The following ABCA13 variants were observed in gnomAD, a reference collection of about 807,000 sequenced individuals.
The protein encoded by ABCA13 is ATP binding cassette subfamily A member 13, also known as ATP-binding cassette sub-family A member 13.
Under a neutral mutation model 478.7 loss-of-function variants are expected in ABCA13, and 476 were observed. That is an observed-to-expected ratio of 0.99 (90% CI 0.92 to 1.07). The LOEUF (loss-of-function observed/expected upper bound fraction) is 1.07, where lower values mean the gene tolerates loss of function less well. Ranked by LOEUF, ABCA13 falls within the 50% of genes least tolerant of loss-of-function variation. The pLI is 0.00. For missense variants in ABCA13, 6,060 were observed against 5,910.6 expected (o/e 1.03, Z -0.83); for synonymous variants, 2,252 against 2,158.9 (o/e 1.04, Z -1.20).
chr7:48,225,127 GC>G (rs1787982525), intron 5 of ABCA13, among the ~76,000 whole-genome samples: 1 of 81,992 alleles, frequency 1.2e-5, no homozygotes, highest in Admixed American at 1.4e-4. Flanking sequence ...CTGCCTGCCT[GC>G]CTGCCTGCCT....
At chr7:48,431,710 T>A (rs1269582336) in intron 42 of ABCA13, among the ~76,000 whole-genome samples, 1 of 152,258 alleles carries the variant, frequency 6.6e-6, no homozygotes, top group Non-Finnish European at 1.5e-5. Context: ...CAATTTTATA[T>A]CTTCCAGATG....
chr7:48,491,709 G>A (rs892685543), intron 48 of ABCA13, among the ~76,000 whole-genome samples: 1 of 152,190 alleles, frequency 6.6e-6, no homozygotes, highest in African/African-American at 2.4e-5. Flanking sequence ...TGTGTTGGCA[G>A]TTATTATCAA....
chr7:48,354,972 T>C (rs1327410964), intron 31 of ABCA13, among the ~76,000 whole-genome samples: 1 of 151,926 alleles, frequency 6.6e-6, no homozygotes, highest in Non-Finnish European at 1.5e-5. Flanking sequence ...ATTCAATGAC[T>C]TTTATGTACT....
At chr7:48,594,422 T>C (rs1159988540) in intron 57 of ABCA13, among the ~76,000 whole-genome samples, 1 of 152,066 alleles carries the variant, frequency 6.6e-6, no homozygotes, top group East Asian at 1.9e-4. Flanking sequence ...TTTTTTTTTA[T>C]AATTTTGATC....
At chr7:48,436,806 C>G (rs1027932029) in intron 42 of ABCA13, among the ~76,000 whole-genome samples, 1 of 148,572 alleles carries the variant, frequency 6.7e-6, no homozygotes, top group Non-Finnish European at 1.5e-5. Context: ...TTTAAATTTC[C>G]ACATATTTGT....
chr7:48,197,471 G>A (rs557581805), intron 2 of ABCA13, among the ~76,000 whole-genome samples: 1 of 152,302 alleles, frequency 6.6e-6, no homozygotes, highest in South Asian at 2.1e-4. Flanking sequence ...GGGCAGTTCA[G>A]TAGAGGGATA....
Position 48,273,113 on chromosome 7 carries a change from A to G in ABCA13, c.3447A>G (p.Ser1149=). 6.2e-7 allele frequency: 1 copy of G among 1,613,698 alleles called. No individual in the cohort carries two copies. The highest frequency in any genetic ancestry group is 1.1e-5 in the South Asian group (1 of 91,072). The change falls in exon 17 of 62, where the codon TCA becomes TCG. Residue 1149 remains serine (S), a synonymous_variant. Transcript: ENST00000435803. ...TTATGTCCATTCACTGTACCGTTTC[A>G]TGGCTTCAAATGTGGACTGAAATCT... ...NKFMSIHCTV[S]WLQMWTEIWE... is the part of the protein sequence containing the mutation.
intron 27 of ABCA13, among the ~76,000 whole-genome samples, chr7:48,321,096 C>T (rs1433262670): frequency 6.6e-6 from 1 of 152,120 alleles, no homozygotes; most frequent in Non-Finnish European, 1.5e-5. Context: ...GTGGTTCAAA[C>T]CGGGGTGGGG....
At chr7:48,301,349 T>C (rs1269209369) in intron 23 of ABCA13, among the ~76,000 whole-genome samples, 2 of 152,174 alleles carry the variant, frequency 1.3e-5, no homozygotes, top group African/African-American at 4.8e-5. Context: ...GTTGCGACAT[T>C]AACAGAGCTG....
chr7:48,627,097 G>T (rs919070439), intron 59 of ABCA13: 19 of 950,776 alleles, frequency 2.0e-5, no homozygotes, highest in Non-Finnish European at 2.3e-5. Context: ...TTTGCCAAAT[G>T]CTTTCTGTGC....
At chr7:48,432,371 G>A (rs1822265716) in intron 42 of ABCA13, among the ~76,000 whole-genome samples, 1 of 152,058 alleles carries the variant, frequency 6.6e-6, no homozygotes, top group South Asian at 2.1e-4. Context: ...TACTGTTGGT[G>A]GGAATGTGAA....
rs1563328391 is a variant in ABCA13 at position 48,481,073 on chromosome 7, C to T, written c.13013C>T (p.Thr4338Ile). ...PNRSASAPYL[T>I]NHLGHTLLNL... is the part of the protein sequence containing the mutation. Reference sequence around the variant, plus strand: ...AGAAGTGCTAGTGCTCCCTACCTGACCAACCACCTGGGCCACACACTGTTG... The same window carrying T: ...AGAAGTGCTAGTGCTCCCTACCTGATCAACCACCTGGGCCACACACTGTTG... The change falls in exon 46 of 62, where the codon ACC becomes ATC. Residue 4338 changes from threonine to isoleucine, a missense_variant. Physicochemically the swap from Thr to Ile is moderately conservative, Grantham distance 89. Transcript: ENST00000435803. 4 of 1,602,864 alleles carry T rather than the reference C, an allele frequency of 2.5e-6. No individual in the cohort carries two copies. The South Asian group carries it at 4.5e-5, about 18-fold the overall frequency.
intron 3 of ABCA13, among the ~76,000 whole-genome samples, chr7:48,210,870 T>C (rs1157506127): frequency 6.6e-6 from 1 of 152,210 alleles, no homozygotes; most frequent in Non-Finnish European, 1.5e-5. Context: ...ATCTATAGTG[T>C]AGATAAAATC....
intron 15 of ABCA13, among the ~76,000 whole-genome samples, chr7:48,264,692 C>T (rs763507009): frequency 4.6e-5 from 7 of 151,500 alleles, no homozygotes; most frequent in African/African-American, 7.3e-5. Flanking sequence ...ATCAGACATA[C>T]GCTTTGCAAA....
rs534460686 is a variant in ABCA13 at position 48,350,898 on chromosome 7, G to A, written c.10381+79G>A. On this transcript the variant is annotated intron_variant, in intron 30 of 61. Coordinates refer to ENST00000435803, the MANE Select transcript of ABCA13 (RefSeq NM_152701.5). ...TCATTTTGGGAGTTTCTCCCTAAAGGTGTCTTATGATAGCTCAGAAAGAAA... is the reference window on the plus strand; with the variant it reads ...TCATTTTGGGAGTTTCTCCCTAAAGATGTCTTATGATAGCTCAGAAAGAAA... 15 of 1,437,328 alleles carry A rather than the reference G, an allele frequency of 1.0e-5. No homozygotes were observed. The African/African-American group carries it at 1.3e-4, about 12-fold the overall frequency. 89.0% of individuals were successfully genotyped at this position (1,437,328 alleles called of 1,614,324 possible).
intron 57 of ABCA13, 142 bp from the exon 58 acceptor site, chr7:48,594,568 G>A: frequency 1.5e-6 from 1 of 683,478 alleles, no homozygotes; most frequent in Non-Finnish European, 2.6e-6. Flanking sequence ...TGAGCAGAGT[G>A]CAACAAAGCC....
At position 48,350,768 on chromosome 7, in the gene ABCA13, A is replaced by C; in HGVS notation, c.10330A>C (p.Ile3444Leu). ...NRFQALQSVD[I>L]LETKAHELLQ... Reference sequence around the variant, plus strand: ...TTTCCAGGCTCTGCAGTCTGTCGACATCCTGGAGACTAAAGCACATGAACT... The same window carrying C: ...TTTCCAGGCTCTGCAGTCTGTCGACCTCCTGGAGACTAAAGCACATGAACT... The change falls in exon 30 of 62, where the codon ATC becomes CTC. Residue 3444 changes from isoleucine (I) to leucine (L), a missense_variant. Ile to Leu is a conservative substitution (Grantham distance 5, BLOSUM62 2). Transcript: ENST00000435803. 1.9e-6 allele frequency: 3 copies of C among 1,613,918 alleles called. No individual in the cohort carries two copies. Among genetic ancestry groups the C allele is most frequent in the Non-Finnish European group, 2.5e-6 (3 of 1,179,840 alleles).
chr7:48,194,572 G>A (rs151312743), intron 2 of ABCA13, among the ~76,000 whole-genome samples: 4,043 of 152,240 alleles, frequency 0.027, 149 homozygotes, highest in African/African-American at 0.085. Flanking sequence ...ATCACTCCTT[G>A]AGAAATAGTG....
rs766519011 is a variant in ABCA13 at position 48,234,232 on chromosome 7, G to A, written c.897+81G>A. The A allele has an allele frequency of 5.0e-6, 8 of 1,604,604 alleles. No homozygotes were observed. The African/African-American group carries it at 8.0e-5, about 16-fold the overall frequency. ...AGAGCATGCTGCTGGGGCAGGGTGA[G>A]CGGGTGCCACGGGAGAGGCAGCCAG... On this transcript the variant is annotated intron_variant, in intron 8 of 61. Transcript: ENST00000435803.
Sources: allele counts gnomAD v4.1 joint callset (sites outside exome capture counted in the v4.1 genomes callset), GRCh38; gene constraint gnomAD v4.1.1; transcripts MANE v1.5; gene names NCBI Gene and HGNC (gene_info 2026-07-23, HGNC 2026-07-21).